UNK: variants seen among roughly 807,000 people sequenced by gnomAD.
UNK encodes RING finger protein unkempt homolog.
UNK carries 32 observed loss-of-function variants against 97.6 expected under a neutral mutation model. The observed-to-expected ratio is 0.33, with a 90% confidence interval of 0.25 to 0.44. The LOEUF (loss-of-function observed/expected upper bound fraction) is 0.44, where lower values mean the gene tolerates loss of function less well. UNK is among the 20% of genes least tolerant of loss of function. The pLI is 1.00. For synonymous variants in UNK, 441 were observed against 461.2 expected (o/e 0.96, Z 0.56); for missense variants, 771 against 1,098.4 (o/e 0.70, Z 4.21).
At chr17:75,785,152 A>C in intron 1 of UNK, 168 bp downstream of exon 1, 11 of 489,432 alleles carry the variant, frequency 2.2e-5, no homozygotes, top group Admixed American at 4.2e-5. Context: ...ACTGCCTCCA[A>C]CTGCCACCAA....
At chr17:75,785,601 G>A (rs1052909921) in intron 1 of UNK, 2 of 152,426 alleles carry the variant, frequency 1.3e-5, no homozygotes, top group African/African-American at 2.4e-5. Context: ...GAAGGTGATG[G>A]GTTCCAAGTA....
intron 13 of UNK, among the ~76,000 whole-genome samples, chr17:75,820,354 T>C (rs1420947509): frequency 1.3e-5 from 2 of 152,202 alleles, no homozygotes; most frequent in African/African-American, 2.4e-5. Context: ...GTTGTGAGCA[T>C]TGAATGGAGT....
intron 1 of UNK, chr17:75,786,029 T>C (rs2061707390): frequency 6.6e-6 from 1 of 152,196 alleles, no homozygotes; most frequent in Admixed American, 6.5e-5. Flanking sequence ...GAGGAACTCT[T>C]GTTATAGAAG....
intron 1 of UNK, chr17:75,785,867 T>G (rs1410504238): frequency 6.6e-6 from 1 of 151,990 alleles, no homozygotes; most frequent in Non-Finnish European, 1.5e-5. Context: ...TGAATGCCTC[T>G]CATCCCCATG....
intron 1 of UNK, among the ~76,000 whole-genome samples, chr17:75,797,011 A>G (rs1207643856): frequency 6.6e-6 from 1 of 152,212 alleles, no homozygotes; most frequent in African/African-American, 2.4e-5. Flanking sequence ...TAACATGGAA[A>G]GCAGGAGATT....
chr17:75,823,168 C>T (rs2062084626), intron 14 of UNK, 97 bp from the exon 15 acceptor site: 2 of 1,493,458 alleles, frequency 1.3e-6, no homozygotes, highest in Non-Finnish European at 1.8e-6. Context: ...AGCTTCCCAC[C>T]AGGCCTCGCA....
chr17:75,799,216 G>C (rs1034893874), intron 1 of UNK, among the ~76,000 whole-genome samples: 2 of 152,202 alleles, frequency 1.3e-5, no homozygotes, highest in African/African-American at 2.4e-5. Flanking sequence ...GGAGGCTGAG[G>C]TGGGAGGATT....
Position 75,818,546 on chromosome 17 carries a change from G to A in UNK, c.1372-96G>A. On this transcript the variant is annotated intron_variant, in intron 10 of 15. Transcript: ENST00000589666. This position sits in a 1 kb window ranked among gnomAD's most constrained non-coding sequence, Gnocchi z 5.1. ...GGGCACCCGGACTAGAGCTAGCACG[G>A]GCCATTTCCCTTGCCCCCAGCCCCT... is the stretch of plus-strand genomic sequence containing the variant. 1 of 1,388,586 alleles carries A rather than the reference G, an allele frequency of 7.2e-7. No individual in the cohort carries two copies. Among genetic ancestry groups the A allele is most frequent in the Non-Finnish European group, 9.7e-7 (1 of 1,033,038 alleles). The allele number at this position is 1,388,586 out of a possible 1,614,324, so 86.0% of individuals were successfully genotyped here.
intron 4 of UNK, 61 bp downstream of exon 4, chr17:75,812,646 G>C (rs1455686631): frequency 6.4e-7 from 1 of 1,566,552 alleles, no homozygotes; most frequent in Non-Finnish European, 8.7e-7. Context: ...CTGCCCTGGG[G>C]ATTTGGCTCA....
At chr17:75,797,349 C>T (rs1370249077) in intron 1 of UNK, among the ~76,000 whole-genome samples, 2 of 152,236 alleles carry the variant, frequency 1.3e-5, no homozygotes, top group African/African-American at 4.8e-5. Flanking sequence ...AGTTGTCTGC[C>T]TCAGCCTCCC....
rs189436696 is a variant in UNK, at chr17:75,821,480, C to G, written c.1838-997C>G. On this transcript the variant is annotated intron_variant, in intron 13 of 15. Transcript: ENST00000589666. ...TGGGACAGGAGAGCTTGCTGCAGGGCTGGTCTCATGTGGGTGGGGTGACCC... is the reference window on the plus strand; with the variant it reads ...TGGGACAGGAGAGCTTGCTGCAGGGGTGGTCTCATGTGGGTGGGGTGACCC... The G allele has an allele frequency of 3.2e-5, 14 of 439,322 alleles. No individual in the cohort carries two copies. In the East Asian group the frequency reaches 9.1e-4, roughly 29 times the overall value. The allele number at this position is 439,322 out of a possible 1,614,324, so 27.2% of individuals were successfully genotyped here. A position where few individuals can be genotyped will look rare whatever the true frequency, so the allele number is the denominator to read the frequency against.
rs1425323258 is a variant in UNK, at chr17:75,823,375, G to A, written c.2130G>A (p.Val710=). Residue 710 remains valine, a synonymous_variant, in exon 15 of 16, where the codon GTG becomes GTA. Transcript: ENST00000589666. ...AGCGGGATGCACTGGAGGTGCAGGT[G>A]AAGAAGCTCCAGGAGGAGCTGGAGC... The part of the protein sequence containing the change: ...REQRDALEVQ[V]KKLQEELERL... 1.2e-6 allele frequency: 2 copies of A among 1,611,088 alleles called. No homozygotes were observed. Among genetic ancestry groups the A allele is most frequent in the South Asian group, 1.1e-5 (1 of 90,926 alleles).
At chr17:75,798,392 A>G (rs2061826118) in intron 1 of UNK, among the ~76,000 whole-genome samples, 1 of 151,018 alleles carries the variant, frequency 6.6e-6, no homozygotes, top group African/African-American at 2.4e-5. Flanking sequence ...TTTAATAGAG[A>G]TAAGGTTTTG....
intron 13 of UNK, 74 bp downstream of exon 13, chr17:75,820,182 C>T: frequency 6.9e-7 from 1 of 1,456,926 alleles, no homozygotes; most frequent in South Asian, 1.3e-5. Flanking sequence ...TCTGGCCACC[C>T]CATCTACGGC....
In UNK at chr17:75,817,934, AG is replaced by A. The variant is rs2062031710; in HGVS notation, c.1306-165del. Among the ~76,000 whole-genome samples, 1 of 150,554 alleles carries A rather than the reference AG, an allele frequency of 6.6e-6. No individual in the cohort carries two copies. Among genetic ancestry groups the A allele is most frequent in the African/African-American group, 2.4e-5 (1 of 40,828 alleles). On this transcript the variant is annotated intron_variant, in intron 9 of 15. Coordinates refer to ENST00000589666, the MANE Select transcript of UNK (RefSeq NM_001080419.3). The surrounding 1 kb of genome is among the most constrained non-coding windows in gnomAD (Gnocchi z 5.8). Reference sequence around the variant, plus strand: ...AGAAGGGCAGCTCCCTGCTTAGGGTAGGGGAAGGGAGTAGGGGGTGGGGAGG... The same window carrying A: ...AGAAGGGCAGCTCCCTGCTTAGGGTAGGGAAGGGAGTAGGGGGTGGGGAGG...
In UNK at chr17:75,816,792, G is replaced by A. The variant is rs766450073; in HGVS notation, c.984G>A (p.Leu328=). The change falls in exon 8 of 16, where the codon CTG becomes CTA. Residue 328 remains leucine (L), a synonymous_variant. Coordinates refer to ENST00000589666, the MANE Select transcript of UNK (RefSeq NM_001080419.3). The surrounding 1 kb of genome is among the most constrained non-coding windows in gnomAD (Gnocchi z 4.0). ...HVEQPPLSDD[L]QPSSAVSSPT... ...CAGAGCCACCCCTGAGTGACGACCTGCAGCCTTCCTCAGCTGTGTCCAGCC... is the reference window on the plus strand; with the variant it reads ...CAGAGCCACCCCTGAGTGACGACCTACAGCCTTCCTCAGCTGTGTCCAGCC... The A allele has an allele frequency of 7.5e-6, 12 of 1,604,844 alleles. No individual in the cohort carries two copies. The highest frequency in any genetic ancestry group is 1.3e-5 in the African/African-American group (1 of 74,984).
intron 1 of UNK, among the ~76,000 whole-genome samples, chr17:75,795,116 C>T (rs776673587): frequency 3.9e-5 from 6 of 152,064 alleles, no homozygotes; most frequent in Admixed American, 6.6e-5. Context: ...GTCTTTGTAG[C>T]GCCTCCATCA....
Position 75,794,326 on chromosome 17 carries a change from C to T in UNK, c.104+9342C>T, listed in dbSNP as rs555164459. 23 of 358,444 alleles carry T rather than the reference C, an allele frequency of 6.4e-5. No homozygotes were observed. The Admixed American group carries it at 1.0e-3, about 16-fold the overall frequency. 22.2% of individuals were successfully genotyped at this position (358,444 alleles called of 1,614,324 possible). A position where few individuals can be genotyped will look rare whatever the true frequency, so the allele number is the denominator to read the frequency against. On this transcript the variant is annotated intron_variant, in intron 1 of 15. Transcript: ENST00000589666. ...CTTATTTGCTACTACTGTTGTTTTTCCTTTAGCTCAGTTAAGAAATGTTTA... is the reference window on the plus strand; with the variant it reads ...CTTATTTGCTACTACTGTTGTTTTTTCTTTAGCTCAGTTAAGAAATGTTTA...
At chr17:75,792,193 TGCATTTA>T in intron 1 of UNK, 1 of 875,108 alleles carries the variant, frequency 1.1e-6, no homozygotes, top group Non-Finnish European at 1.4e-6. Context: ...ACAGTAAGGT[TGCATTTA>T]AAGCTGCATT....
Sources: gnomAD v4.1 joint callset for allele counts (sites outside exome capture counted in the v4.1 genomes callset) on GRCh38, gnomAD v4.1.1 for gene constraint, Gnocchi (gnomAD v3.1) non-coding constraint, MANE v1.5 for transcripts, NCBI Gene and HGNC (gene_info 2026-07-23, HGNC 2026-07-21) for gene names.